The following TSHZ3 variants were observed in gnomAD, a reference collection of about 807,000 sequenced individuals.
TSHZ3 encodes the protein teashirt zinc finger homeobox 3.
TSHZ3 carries 10 observed loss-of-function variants against 64.5 expected under a neutral mutation model. The observed-to-expected ratio is 0.16, with a 90% confidence interval of 0.10 to 0.26. The LOEUF is 0.26. Among genes scored for constraint, TSHZ3 ranks in the 10% least tolerant of loss-of-function variants. TSHZ3 has a pLI of 1.00. For missense variants in TSHZ3, 1,242 were observed against 1,421.7 expected (o/e 0.87, Z 2.03); for synonymous variants, 608 against 593.1 (o/e 1.03, Z -0.36).
chr19:31,281,223 CCAA>C (rs1475201430), intron 1 of TSHZ3, among the ~76,000 whole-genome samples: 1 of 152,168 alleles, frequency 6.6e-6, no homozygotes, highest in Admixed American at 6.5e-5. Flanking sequence ...CATCAGAAAA[CCAA>C]CAACAACAAT....
At chr19:31,178,246 G>A (rs1342379434) in intron 5 of TSHZ3, among the ~76,000 whole-genome samples, 2 of 152,194 alleles carry the variant, frequency 1.3e-5, no homozygotes, top group African/African-American at 4.8e-5. Flanking sequence ...AGTTTGCAGA[G>A]AGAGCTGTCA....
intron 1 of TSHZ3, among the ~76,000 whole-genome samples, chr19:31,246,328 C>T (rs190241039): frequency 6.6e-6 from 1 of 152,244 alleles, no homozygotes; most frequent in East Asian, 1.9e-4. Flanking sequence ...TCTTTCTTAC[C>T]TGTATTTAAA....
chr19:31,252,992 A>G (rs1177185379), intron 1 of TSHZ3, among the ~76,000 whole-genome samples: 1 of 152,260 alleles, frequency 6.6e-6, no homozygotes, highest in Non-Finnish European at 1.5e-5. Context: ...ACAAGTGCTG[A>G]AAATATTCAG....
At chr19:31,297,006 T>G (rs1268190955) in intron 1 of TSHZ3, among the ~76,000 whole-genome samples, 1 of 152,186 alleles carries the variant, frequency 6.6e-6, no homozygotes, top group African/African-American at 2.4e-5. Flanking sequence ...GCAGTCCTAA[T>G]TTTGACCTCA....
At chr19:31,187,389 G>A (rs1599569707) in intron 5 of TSHZ3, among the ~76,000 whole-genome samples, 2 of 92,360 alleles carry the variant, frequency 2.2e-5, no homozygotes, top group Admixed American at 1.2e-4. Flanking sequence ...ACCAATTCAC[G>A]TTTAATCGTG....
chr19:31,286,469 C>T (rs185886099), intron 1 of TSHZ3, among the ~76,000 whole-genome samples: 4 of 152,336 alleles, frequency 2.6e-5, no homozygotes, highest in Non-Finnish European at 5.9e-5. Flanking sequence ...TGCATCTGGT[C>T]CTCTCAATGG....
At chr19:31,324,752 G>C (rs921168802) in intron 1 of TSHZ3, among the ~76,000 whole-genome samples, 13 of 152,316 alleles carry the variant, frequency 8.5e-5, no homozygotes, top group South Asian at 4.1e-4. Context: ...CATTATGTAG[G>C]CCAAGTCCAG....
rs28725350 is a variant in TSHZ3, at chr19:31,250,301, A to C, written n.64-7426T>G. Reference sequence around the variant, plus strand: ...TTTTCCCTGACAGCCAACAGAACATATTCTTCTTCTAATTGTTGGTTTACC... The same window carrying C: ...TTTTCCCTGACAGCCAACAGAACATCTTCTTCTTCTAATTGTTGGTTTACC... On this transcript the variant is annotated intron_variant and non_coding_transcript_variant, in intron 1 of 6. Coordinates refer to the TSHZ3 transcript ENST00000651361. 3.7e-3 allele frequency among the ~76,000 whole-genome samples: 559 copies of C among 152,292 alleles called. 4 individuals are homozygous for C. Among genetic ancestry groups the C allele is most frequent in the African/African-American group, 0.013 (524 of 41,570 alleles).
At chr19:31,202,403 T>G in intron 5 of TSHZ3, among the ~76,000 whole-genome samples, 1 of 152,254 alleles carries the variant, frequency 6.6e-6, no homozygotes, top group East Asian at 1.9e-4. Flanking sequence ...ATATGTATAT[T>G]TCTTTTTTTA....
At chr19:31,179,052 C>A (rs1599563346) in intron 5 of TSHZ3, among the ~76,000 whole-genome samples, 2 of 132,952 alleles carry the variant, frequency 1.5e-5, no homozygotes, top group Admixed American at 1.4e-4. Context: ...TGATGATGAG[C>A]ATGATGGTTG....
chr19:31,164,191 G>C lies in TSHZ3; in HGVS notation n.810-7774C>G, dbSNP rs540241840. Among the ~76,000 whole-genome samples, 5 of 152,246 alleles carry C rather than the reference G, an allele frequency of 3.3e-5. No homozygotes were observed. In the East Asian group the frequency reaches 5.8e-4, roughly 18 times the overall value. ...ACAGGAAAGAGAACGAGACCAGCCA[G>C]GTGGCTGTTTTAGAGCTTCTCAGGC... On this transcript the variant is annotated intron_variant and non_coding_transcript_variant, in intron 5 of 6. Transcript: ENST00000651361.
chr19:31,337,398 T>C (rs1411785423), intron 1 of TSHZ3, among the ~76,000 whole-genome samples: 1 of 152,230 alleles, frequency 6.6e-6, no homozygotes, highest in African/African-American at 2.4e-5. Flanking sequence ...AGCAAAGTTT[T>C]TCTAATCAGT....
intron 1 of TSHZ3, among the ~76,000 whole-genome samples, chr19:31,282,494 G>A (rs1976380257): frequency 6.6e-6 from 1 of 152,046 alleles, no homozygotes; most frequent in Non-Finnish European, 1.5e-5. Context: ...GGAAACCCAG[G>A]GGCTCTGCCA....
intron 1 of TSHZ3, among the ~76,000 whole-genome samples, chr19:31,320,235 C>T (rs1916726755): frequency 1.3e-5 from 2 of 152,028 alleles, no homozygotes. Flanking sequence ...TAAATATGAC[C>T]CTGGACATGA....
intron 1 of TSHZ3, among the ~76,000 whole-genome samples, chr19:31,321,837 CT>C (rs1012386264): frequency 2.0e-5 from 3 of 150,634 alleles, no homozygotes; most frequent in East Asian, 1.9e-4. Context: ...TTTTCTTTTT[CT>C]TTTTTTTTAT....
chr19:31,239,954 C>A (rs866911985), intron 3 of TSHZ3, among the ~76,000 whole-genome samples: 1 of 152,058 alleles, frequency 6.6e-6, no homozygotes, highest in Non-Finnish European at 1.5e-5. Flanking sequence ...GTCTGTAATG[C>A]GTGTTTCCAG....
chr19:31,252,005 A>C (rs1487769278), intron 1 of TSHZ3, among the ~76,000 whole-genome samples: 1 of 151,926 alleles, frequency 6.6e-6, no homozygotes, highest in Non-Finnish European at 1.5e-5. Flanking sequence ...ATCCCTAAGC[A>C]CCCCTGGGCA....
At chr19:31,220,173 G>A (rs549683738) in intron 4 of TSHZ3, among the ~76,000 whole-genome samples, 40 of 152,308 alleles carry the variant, frequency 2.6e-4, no homozygotes, top group Non-Finnish European at 5.6e-4. Context: ...TGCCACATTG[G>A]TGTATGTTAT....
intron 5 of TSHZ3, among the ~76,000 whole-genome samples, chr19:31,191,798 A>G (rs1240042951): frequency 6.6e-6 from 1 of 152,128 alleles, no homozygotes; most frequent in Admixed American, 6.6e-5. Context: ...ATCTGAGGCT[A>G]CTGTGAGCCA....
Sources: allele counts gnomAD v4.1 joint callset (sites outside exome capture counted in the v4.1 genomes callset), GRCh38; gene constraint gnomAD v4.1.1; transcripts MANE v1.5; gene names NCBI Gene and HGNC (gene_info 2026-07-23, HGNC 2026-07-21).